RPRD1A: variants seen among roughly 807,000 people sequenced by gnomAD.
RPRD1A encodes the protein regulation of nuclear pre-mRNA domain containing 1A.
RPRD1A carries 9 observed loss-of-function variants against 37.8 expected under a neutral mutation model. The observed-to-expected ratio is 0.24, with a 90% confidence interval of 0.14 to 0.42. The LOEUF (loss-of-function observed/expected upper bound fraction) is 0.42. RPRD1A is among the 10% of genes least tolerant of loss of function. The pLI, the probability that RPRD1A is intolerant of heterozygous loss-of-function variation, is 1.00. For missense variants in RPRD1A, 255 were observed against 371.0 expected (o/e 0.69, Z 2.57); for synonymous variants, 138 against 139.7 (o/e 0.99, Z 0.08).
At chr18:36,017,756 G>A (rs1391966381) in intron 6 of RPRD1A, among the ~76,000 whole-genome samples, 1 of 152,124 alleles carries the variant, frequency 6.6e-6, no homozygotes, top group Non-Finnish European at 1.5e-5. Flanking sequence ...GAGTGAACAG[G>A]CACAAAGGGC....
intron 1 of RPRD1A, among the ~76,000 whole-genome samples, chr18:36,065,351 C>T (rs1420324173): frequency 1.3e-5 from 2 of 152,200 alleles, no homozygotes; most frequent in Non-Finnish European, 1.5e-5. Flanking sequence ...TCAATTCAGT[C>T]ACGTTGTTTC....
intron 4 of RPRD1A, chr18:36,028,048 T>C (rs1017197100): frequency 1.3e-5 from 2 of 152,144 alleles, no homozygotes; most frequent in African/African-American, 4.8e-5. Context: ...CAACTCATAA[T>C]GTCTATAAAG....
At chr18:36,019,111 T>TA (rs1170436449) in intron 6 of RPRD1A, among the ~76,000 whole-genome samples, 1 of 147,308 alleles carries the variant, frequency 6.8e-6, no homozygotes. Flanking sequence ...GATTTTTTTT[T>TA]TTTTTTTTTT....
chr18:36,018,710 C>T (rs901972580), intron 6 of RPRD1A, among the ~76,000 whole-genome samples: 1 of 152,190 alleles, frequency 6.6e-6, no homozygotes, highest in Non-Finnish European at 1.5e-5. Context: ...ATGAAACTCA[C>T]ATCCTAGTGG....
rs561579126 is a variant in RPRD1A at position 36,006,834 on chromosome 18, A to G, written c.790-13534T>C. On this transcript the variant is annotated intron_variant, in intron 6 of 6. Coordinates refer to ENST00000399022, the MANE Select transcript of RPRD1A (RefSeq NM_018170.5). ...AGAACCTGACAATCCTAGAACTCCTAGCTCACTAGCAGTAGACAACTAGAT... is the reference window on the plus strand; with the variant it reads ...AGAACCTGACAATCCTAGAACTCCTGGCTCACTAGCAGTAGACAACTAGAT... Among the ~76,000 whole-genome samples, 102 of 152,278 alleles carry G rather than the reference A, an allele frequency of 6.7e-4. 1 individual carries two copies. Among genetic ancestry groups the G allele is most frequent in the African/African-American group, 2.5e-3 (102 of 41,552 alleles).
intron 4 of RPRD1A, chr18:36,027,542 C>G (rs1337336895): frequency 7.0e-6 from 3 of 426,026 alleles, no homozygotes; most frequent in Non-Finnish European, 1.3e-5. Flanking sequence ...AGAGAGCTTA[C>G]TCCAGTGGTG....
intron 6 of RPRD1A, among the ~76,000 whole-genome samples, chr18:36,019,606 A>C (rs1910854789): frequency 1.3e-5 from 2 of 152,316 alleles, no homozygotes; most frequent in Middle Eastern, 6.8e-3. Context: ...TTAAGACATA[A>C]AAAGTCTTCC....
chr18:36,036,045 G>T (rs1789500), intron 1 of RPRD1A, among the ~76,000 whole-genome samples: 151,073 of 152,220 alleles, frequency 0.99, 74,974 homozygotes, highest in East Asian at 1. Flanking sequence ...GACTGTACAC[G>T]GAAAAAATGA....
chr18:35,995,984 C>T (rs978685940), intron 6 of RPRD1A, among the ~76,000 whole-genome samples: 10 of 152,302 alleles, frequency 6.6e-5, no homozygotes, highest in Admixed American at 3.9e-4. Context: ...CAAGGAAAGT[C>T]AGAGGAACTG....
intron 6 of RPRD1A, among the ~76,000 whole-genome samples, chr18:36,010,436 T>C (rs1910105895): frequency 6.6e-6 from 1 of 152,160 alleles, no homozygotes; most frequent in Non-Finnish European, 1.5e-5. Context: ...AAAATTTCAG[T>C]GAGCTATGAT....
chr18:36,028,833 T>G lies in RPRD1A; in HGVS notation c.487-1523A>C, dbSNP rs549393991. Among the ~76,000 whole-genome samples, 6 of 152,304 alleles carry G rather than the reference T, an allele frequency of 3.9e-5. No individual in the cohort carries two copies. In the South Asian group the frequency reaches 1.2e-3, roughly 32 times the overall value. ...CAACTAATCTAAAAAACGATCATTA[T>G]AAAACAAAGAGCAACAGCATTTTAC... is the stretch of plus-strand genomic sequence containing the variant. On this transcript the variant is annotated intron_variant, in intron 4 of 6. Transcript: ENST00000399022.
intron 1 of RPRD1A, among the ~76,000 whole-genome samples, chr18:36,059,754 T>C (rs1387959586): frequency 6.6e-6 from 1 of 152,242 alleles, no homozygotes; most frequent in Non-Finnish European, 1.5e-5. Context: ...ATTTACATAG[T>C]AATCAATTGC....
At chr18:36,018,111 T>C (rs1910721608) in intron 6 of RPRD1A, among the ~76,000 whole-genome samples, 1 of 152,212 alleles carries the variant, frequency 6.6e-6, no homozygotes, top group Non-Finnish European at 1.5e-5. Flanking sequence ...ACTTTTTAAG[T>C]ACTGGACTCT....
At chr18:36,014,016 T>C (rs1431800770) in intron 6 of RPRD1A, among the ~76,000 whole-genome samples, 1 of 152,136 alleles carries the variant, frequency 6.6e-6, no homozygotes, top group East Asian at 1.9e-4. Context: ...TCCTGTGATT[T>C]TTGGTACTCC....
intron 6 of RPRD1A, among the ~76,000 whole-genome samples, chr18:35,995,495 C>T (rs1202152763): frequency 1.3e-5 from 2 of 151,886 alleles, no homozygotes; most frequent in Non-Finnish European, 2.9e-5. Flanking sequence ...CTCGAATTCC[C>T]GACCTCAGGA....
chr18:36,067,464 C>A lies in RPRD1A; in HGVS notation c.-60G>T. ...TGGGGCCGAGGGGAGGAGAGTTTCGCCGCCCTAGCTGCGGCCTCGCCCCCT... is the reference window on the plus strand; with the variant it reads ...TGGGGCCGAGGGGAGGAGAGTTTCGACGCCCTAGCTGCGGCCTCGCCCCCT... On this transcript the variant is annotated 5_prime_UTR_variant, in exon 1 of 7. Coordinates refer to ENST00000399022, the MANE Select transcript of RPRD1A (RefSeq NM_018170.5). 6.5e-7 allele frequency: 1 copy of A among 1,536,622 alleles called. No individual in the cohort carries two copies. The highest frequency in any genetic ancestry group is 8.8e-7 in the Non-Finnish European group (1 of 1,134,168).
chr18:36,008,699 G>A (rs1909975885), intron 6 of RPRD1A, among the ~76,000 whole-genome samples: 1 of 150,470 alleles, frequency 6.6e-6, no homozygotes, highest in Non-Finnish European at 1.5e-5. Context: ...AATTTTGTAT[G>A]ACATTTTCAT....
chr18:36,050,709 G>A (rs1913319168), intron 1 of RPRD1A, among the ~76,000 whole-genome samples: 1 of 141,134 alleles, frequency 7.1e-6, no homozygotes, highest in Non-Finnish European at 1.6e-5. Context: ...GCTAATTTTT[G>A]TATTTTTTTT....
At chr18:36,024,983 A>G (rs1911260513) in intron 6 of RPRD1A, 1 of 152,248 alleles carries the variant, frequency 6.6e-6, no homozygotes, top group Non-Finnish European at 1.5e-5. Context: ...CTTCTTTATA[A>G]TATAAAATCC....
Sources: gnomAD v4.1 joint callset for allele counts (sites outside exome capture counted in the v4.1 genomes callset) on GRCh38, gnomAD v4.1.1 for gene constraint, MANE v1.5 for transcripts, NCBI Gene and HGNC (gene_info 2026-07-23, HGNC 2026-07-21) for gene names.